Variants in SLC35F4 observed in about 807,000 individuals in gnomAD.
SLC35F4 encodes the protein chromosome 14 open reading frame 36.
A neutral mutation model predicts 44.2 loss-of-function variants in SLC35F4; 24 were observed. The observed-to-expected ratio is 0.54, with a 90% CI of 0.39 to 0.76. The LOEUF is 0.76. SLC35F4 is among the 30% of genes least tolerant of loss of function. SLC35F4 has a pLI of 0.00. For synonymous variants in SLC35F4, 238 were observed against 223.6 expected (o/e 1.06, Z -0.57); for missense variants, 562 against 586.1 (o/e 0.96, Z 0.42).
intron 1 of SLC35F4, among the ~76,000 whole-genome samples, chr14:57,601,332 T>G (rs2070813235): frequency 6.6e-6 from 1 of 152,262 alleles, no homozygotes; most frequent in South Asian, 2.1e-4. Context: ...TTTTTTCAAC[T>G]TTTATTTTAG....
chr14:57,694,440 C>G (rs974321041), intron 1 of SLC35F4, among the ~76,000 whole-genome samples: 1 of 152,136 alleles, frequency 6.6e-6, no homozygotes, highest in African/African-American at 2.4e-5. Flanking sequence ...TTGTGAGACT[C>G]ATAGAAACAT....
chr14:57,663,082 G>A (rs971862513), intron 1 of SLC35F4, among the ~76,000 whole-genome samples: 3 of 152,058 alleles, frequency 2.0e-5, no homozygotes, highest in African/African-American at 7.2e-5. Context: ...ACCATTTCTT[G>A]TTGGTTTGCC....
chr14:57,610,544 C>T (rs868633986), intron 1 of SLC35F4, among the ~76,000 whole-genome samples: 1 of 152,204 alleles, frequency 6.6e-6, no homozygotes, highest in Non-Finnish European at 1.5e-5. Context: ...AACTCTATAA[C>T]CACAGAATCT....
At chr14:57,932,239 T>C (rs866759122) in intron 1 of SLC35F4, among the ~76,000 whole-genome samples, 12 of 152,212 alleles carry the variant, frequency 7.9e-5, no homozygotes, top group Admixed American at 1.3e-4. Flanking sequence ...GTTTTTATGA[T>C]GAAAATATCT....
At chr14:57,640,945 T>C (rs2073203983) in intron 1 of SLC35F4, among the ~76,000 whole-genome samples, 1 of 151,994 alleles carries the variant, frequency 6.6e-6, no homozygotes, top group Admixed American at 6.6e-5. Context: ...TATAAGTTTA[T>C]ATGAACTATA....
chr14:57,777,628 G>A (rs376715089), intron 1 of SLC35F4, among the ~76,000 whole-genome samples: 14 of 152,068 alleles, frequency 9.2e-5, no homozygotes, highest in South Asian at 4.2e-4. Flanking sequence ...GAGGCCTGTC[G>A]CGGGGGTGAG....
At chr14:57,660,603 A>G (rs1335724896) in intron 1 of SLC35F4, among the ~76,000 whole-genome samples, 1 of 151,666 alleles carries the variant, frequency 6.6e-6, no homozygotes, top group East Asian at 2.0e-4. Flanking sequence ...GATCAATAAA[A>G]TACAGCAGAA....
intron 1 of SLC35F4, among the ~76,000 whole-genome samples, chr14:57,709,677 C>G (rs2075769409): frequency 6.6e-6 from 1 of 152,082 alleles, no homozygotes; most frequent in African/African-American, 2.4e-5. Flanking sequence ...TGCCCCTGCC[C>G]TAGAGATCTG....
intron 3 of SLC35F4, among the ~76,000 whole-genome samples, chr14:57,582,289 A>T (rs530790641): frequency 6.6e-6 from 1 of 152,014 alleles, no homozygotes; most frequent in East Asian, 1.9e-4. Context: ...TCCGCCTCCC[A>T]GACTCGAGCC....
At chr14:57,787,883 C>T (rs2077807621) in intron 1 of SLC35F4, among the ~76,000 whole-genome samples, 1 of 152,064 alleles carries the variant, frequency 6.6e-6, no homozygotes, top group Non-Finnish European at 1.5e-5. Context: ...AGTACACACG[C>T]AACAAAGAGC....
downstream of SLC35F4, among the ~76,000 whole-genome samples, chr14:57,975,225 G>A (rs373014523): frequency 3.9e-5 from 6 of 152,140 alleles, no homozygotes; most frequent in Non-Finnish European, 5.9e-5. Flanking sequence ...ACAATCCTAC[G>A]TAGCAGGAAC....
chr14:57,786,592 C>T (rs1388430242), intron 1 of SLC35F4, among the ~76,000 whole-genome samples: 1 of 152,176 alleles, frequency 6.6e-6, no homozygotes, highest in African/African-American at 2.4e-5. Context: ...CATCACAGGA[C>T]TCTATGCAGA....
intron 1 of SLC35F4, among the ~76,000 whole-genome samples, chr14:57,830,124 G>T (rs562082923): frequency 2.8e-4 from 42 of 152,120 alleles, no homozygotes; most frequent in Admixed American, 5.2e-4. Context: ...CAAAAAAAAA[G>T]TAATGGAAGT....
chr14:57,596,854 C>A (rs760347618), intron 1 of SLC35F4: 1 of 1,367,642 alleles, frequency 7.3e-7, no homozygotes, highest in Non-Finnish European at 9.8e-7. Context: ...CAGCTGCCTC[C>A]CACTGGTCAG....
At chr14:57,792,004 C>T (rs1169929930) in intron 1 of SLC35F4, among the ~76,000 whole-genome samples, 2 of 151,946 alleles carry the variant, frequency 1.3e-5, no homozygotes, top group African/African-American at 4.8e-5. Flanking sequence ...TAGAGAAATA[C>T]CTAATGTAAA....
intron 1 of SLC35F4, among the ~76,000 whole-genome samples, chr14:57,663,926 TA>T (rs2074222011): frequency 6.6e-6 from 1 of 152,174 alleles, no homozygotes; most frequent in Non-Finnish European, 1.5e-5. Flanking sequence ...ATCCTGTTTT[TA>T]TTTTTTTGAA....
intron 1 of SLC35F4, among the ~76,000 whole-genome samples, chr14:57,763,610 G>A (rs2077173270): frequency 6.6e-6 from 1 of 152,070 alleles, no homozygotes; most frequent in South Asian, 2.1e-4. Flanking sequence ...ACTTAAAGTG[G>A]TGCCTGAAAC....
intron 1 of SLC35F4, among the ~76,000 whole-genome samples, chr14:57,876,766 T>C (rs1888408460): frequency 6.6e-6 from 1 of 152,138 alleles, no homozygotes; most frequent in African/African-American, 2.4e-5. Flanking sequence ...AGCAGCAACA[T>C]TGGATATATA....
chr14:57,761,314 C>T (rs1193611259), intron 1 of SLC35F4, among the ~76,000 whole-genome samples: 3 of 152,098 alleles, frequency 2.0e-5, no homozygotes, highest in Admixed American at 6.6e-5. Flanking sequence ...TATCTGCAAG[C>T]GTTCTCTTGG....
Sources: allele counts gnomAD v4.1 joint callset (sites outside exome capture counted in the v4.1 genomes callset), GRCh38; gene constraint gnomAD v4.1.1; transcripts MANE v1.5; gene names NCBI Gene and HGNC (gene_info 2026-07-23, HGNC 2026-07-21).